KCNQ4: variants seen among roughly 807,000 people sequenced by gnomAD.
The protein encoded by KCNQ4 is potassium voltage-gated channel subfamily Q member 4, also known as potassium voltage-gated channel subfamily KQT member 4.
In KCNQ4, 31 loss-of-function variants were observed where a neutral mutation model predicts 72.6. The observed-to-expected ratio is 0.43, with a 90% CI of 0.32 to 0.58. KCNQ4 has a LOEUF of 0.58. Ranked by LOEUF, KCNQ4 falls within the 20% of genes least tolerant of loss-of-function variation. The pLI is 0.08. For synonymous variants in KCNQ4, 405 were observed against 403.7 expected (o/e 1.00, Z -0.04); for missense variants, 869 against 962.6 (o/e 0.90, Z 1.29).
At position 40,824,266 on chromosome 1, in the gene KCNQ4, C is replaced by T. The variant is rs1238104206; in HGVS notation, c.1292+8C>T. On this transcript the variant is annotated splice_region_variant and intron_variant, in intron 9 of 13. Coordinates refer to ENST00000347132, the MANE Select transcript of KCNQ4 (RefSeq NM_004700.4). ...CTTCTGCCCTGGGGAAAGGTAGGGG[C>T]CCCGTGGGGCTGCCACCTCCTCTTG... The T allele has an allele frequency of 6.2e-7, 1 of 1,604,696 alleles. No homozygotes were observed. The highest frequency in any genetic ancestry group is 8.5e-7 in the Non-Finnish European group (1 of 1,177,070).
rs1648699950 is a variant in KCNQ4, at chr1:40,833,092, A to G, written c.1592A>G (p.Lys531Arg). 1 of 1,612,334 alleles carries G rather than the reference A, an allele frequency of 6.2e-7. No homozygotes were observed. The highest frequency in any genetic ancestry group is 8.5e-7 in the Non-Finnish European group (1 of 1,179,834). Residue 531 changes from lysine (K) to arginine (R), a missense_variant, in exon 11 of 14, where the codon AAG (lysine) becomes AGG (arginine). By Grantham distance (26) the Lys-to-Arg change is conservative (BLOSUM62 2). Around this residue, in one of 5 missense-constraint regions of KCNQ4, gnomAD observed 480 missense variants for 501.9 expected, o/e 0.96. Transcript: ENST00000347132. ...LTVDDIMPAV[K>R]TVIRSIRILK... ...GTGGACGACATCATGCCTGCTGTGA[A>G]GACAGTCATCCGCTCCATCAGGTAA...
At chr1:40,820,487 G>A (rs1046129055) in intron 7 of KCNQ4, among the ~76,000 whole-genome samples, 1 of 152,250 alleles carries the variant, frequency 6.6e-6, no homozygotes, top group African/African-American at 2.4e-5. Context: ...TTTAGGGCTA[G>A]CCAGAACTGC....
At chr1:40,831,026 C>A in intron 9 of KCNQ4, 58 bp from the exon 10 acceptor site, 1 of 1,460,416 alleles carries the variant, frequency 6.8e-7, no homozygotes, top group Non-Finnish European at 9.4e-7. Context: ...TGTCCCCACT[C>A]ACCCCCACCC....
chr1:40,818,223 A>ATGCTGC lies in KCNQ4; in HGVS notation c.469_474dup (p.Cys157_Cys158dup). Reference sequence around the variant, plus strand: ...ACATCGTCCGGGTCTGGTCCGCCGGATGCTGCTGCCGCTACCGAGGATGGC... The same window carrying ATGCTGC: ...ACATCGTCCGGGTCTGGTCCGCCGGATGCTGCTGCTGCTGCCGCTACCGAGGATGGC... On this transcript the variant is annotated inframe_insertion, in exon 3 of 14. Transcript: ENST00000347132. 1 of 1,613,786 alleles carries ATGCTGC rather than the reference A, an allele frequency of 6.2e-7. No individual in the cohort carries two copies. The highest frequency in any genetic ancestry group is 8.5e-7 in the Non-Finnish European group (1 of 1,180,010).
chr1:40,785,136 G>C (rs1051616720), intron 1 of KCNQ4, among the ~76,000 whole-genome samples: 14 of 152,242 alleles, frequency 9.2e-5, no homozygotes, highest in African/African-American at 2.4e-4. Context: ...AGGCACCAGG[G>C]GAAAAAGAAA....
At position 40,825,714 on chromosome 1, in the gene KCNQ4, C is replaced by T. The variant is rs34702131; in HGVS notation, c.1292+1456C>T. Among the ~76,000 whole-genome samples the T allele has an allele frequency of 2.7e-3, 416 of 152,240 alleles. 3 individuals are homozygous for T. Among genetic ancestry groups the T allele is most frequent in the East Asian group, 0.017 (89 of 5,180 alleles). On this transcript the variant is annotated intron_variant, in intron 9 of 13. Coordinates refer to ENST00000347132, the MANE Select transcript of KCNQ4 (RefSeq NM_004700.4). Reference sequence around the variant, plus strand: ...ATCCCTACCAAACATAGTTTCCAGGCGGAAACTCAAGAGTTTTTGTATCCC... The same window carrying T: ...ATCCCTACCAAACATAGTTTCCAGGTGGAAACTCAAGAGTTTTTGTATCCC...
chr1:40,805,984 G>A lies in KCNQ4; in HGVS notation c.315-11281G>A, dbSNP rs538432825. The stretch of plus-strand genomic sequence containing the variant: ...AGCCTCTGGAGTAGCTGGGACTACA[G>A]GCGCCCACCACCACGCCTGGCTAAG... On this transcript the variant is annotated intron_variant, in intron 1 of 13. Transcript: ENST00000347132. 4.6e-5 allele frequency among the ~76,000 whole-genome samples: 7 copies of A among 152,300 alleles called. No homozygotes were observed. In the East Asian group the frequency reaches 1.4e-3, roughly 29 times the overall value.
At chr1:40,793,823 C>T (rs1647336709) in intron 1 of KCNQ4, among the ~76,000 whole-genome samples, 1 of 152,206 alleles carries the variant, frequency 6.6e-6, no homozygotes, top group South Asian at 2.1e-4. Flanking sequence ...CCAGTTTGAG[C>T]ACCACCTCTT....
rs1184446972 is a variant in KCNQ4 at position 40,794,982 on chromosome 1, T to TG, written c.314+10581dup. Among the ~76,000 whole-genome samples the TG allele has an allele frequency of 4.3e-4, 3 of 6,980 alleles. No individual in the cohort carries two copies. The highest frequency in any genetic ancestry group is 1.4e-3 in the Admixed American group (1 of 726). 4.6% of individuals were successfully genotyped at this position (6,980 alleles called of 152,430 possible). A position where few individuals can be genotyped will look rare whatever the true frequency, so the allele number is the denominator to read the frequency against. ...AGATTGGGTTGGGCGGGTGGGGGGGTGGGGGGCAGATCAGCCAGAATCAAG... is the reference window on the plus strand; with the variant it reads ...AGATTGGGTTGGGCGGGTGGGGGGGTGGGGGGGCAGATCAGCCAGAATCAAG... On this transcript the variant is annotated intron_variant, in intron 1 of 13. Transcript: ENST00000347132. The surrounding 1 kb of genome is among the most constrained non-coding windows in gnomAD (Gnocchi z 4.2).
intron 1 of KCNQ4, among the ~76,000 whole-genome samples, chr1:40,814,667 G>A (rs931471361): frequency 1.3e-5 from 2 of 151,962 alleles, no homozygotes; most frequent in South Asian, 4.1e-4. Context: ...TCATGCTACT[G>A]CACTCCAGCC....
In KCNQ4 at chr1:40,784,521, C is replaced by G. The variant is rs1647184779; in HGVS notation, c.314+114C>G. On this transcript the variant is annotated intron_variant, in intron 1 of 13. Transcript: ENST00000347132. The surrounding 1 kb of genome is among the most constrained non-coding windows in gnomAD (Gnocchi z 4.1). ...ACCCCCCTGCCTCAGGGCCGACCCT[C>G]ATCTCTCTCCCCCCAGGCCTAAGCC... The G allele has an allele frequency of 2.0e-6, 2 of 977,384 alleles. No homozygotes were observed. Among genetic ancestry groups the G allele is most frequent in the Admixed American group, 1.9e-5 (1 of 53,184 alleles). The allele number at this position is 977,384 out of a possible 1,614,324, so 60.5% of individuals were successfully genotyped here.
At chr1:40,806,137 G>A (rs1453396753) in intron 1 of KCNQ4, among the ~76,000 whole-genome samples, 2 of 152,158 alleles carry the variant, frequency 1.3e-5, no homozygotes, top group African/African-American at 4.8e-5. Context: ...CACCGCGCCC[G>A]GCCTCACATG....
chr1:40,831,183 C>T lies in KCNQ4; in HGVS notation c.1392C>T (p.Ser464=). 1 of 1,611,234 alleles carries T rather than the reference C, an allele frequency of 6.2e-7. No homozygotes were observed. Among genetic ancestry groups the T allele is most frequent in the Non-Finnish European group, 8.5e-7 (1 of 1,178,854 alleles). ...QHLAPPTMPT[S]PSSEQVGEAT... is the part of the protein sequence containing the mutation. Reference sequence around the variant, plus strand: ...TGGCACCTCCAACAATGCCCACCTCCCCAAGCAGCGAGCAGGTGGGTGAGG... The same window carrying T: ...TGGCACCTCCAACAATGCCCACCTCTCCAAGCAGCGAGCAGGTGGGTGAGG... The change falls in exon 10 of 14, where the codon TCC becomes TCT. Residue 464 remains serine (S), a synonymous_variant. Coordinates refer to ENST00000347132, the MANE Select transcript of KCNQ4 (RefSeq NM_004700.4).
In KCNQ4 at chr1:40,784,299, G is replaced by C; in HGVS notation, c.206G>C (p.Cys69Ser). The stretch of plus-strand genomic sequence containing the variant: ...CCGGGCTCCGGCTCGGGCTCCGCCT[G>C]CGGCCAGCGCTCCTCGGCCGCGCAC... ...PGPGSGSGSACGQRSSAAHKR... is the reference protein window; with the variant it reads ...PGPGSGSGSASGQRSSAAHKR... The change falls in exon 1 of 14, where the codon TGC (cysteine) becomes TCC (serine). Residue 69 changes from cysteine to serine, a missense_variant. Cys to Ser is a moderately radical substitution (Grantham distance 112). This residue lies in a region of KCNQ4 where 178 missense variants were observed against 145.3 expected (regional missense o/e 1.22). Coordinates refer to ENST00000347132, the MANE Select transcript of KCNQ4 (RefSeq NM_004700.4). This position sits in a 1 kb window ranked among gnomAD's most constrained non-coding sequence, Gnocchi z 4.1. The C allele has an allele frequency of 6.3e-7, 1 of 1,591,718 alleles. No homozygotes were observed. Among genetic ancestry groups the C allele is most frequent in the Non-Finnish European group, 8.5e-7 (1 of 1,173,034 alleles).
rs1241744859 is a variant in KCNQ4 at position 40,813,760 on chromosome 1, G to GTTTTTT, written c.315-3500_315-3499insTTTTTT. Among the ~76,000 whole-genome samples, 12 of 151,334 alleles carry GTTTTTT rather than the reference G, an allele frequency of 7.9e-5. 1 individual carries two copies. Among genetic ancestry groups the GTTTTTT allele is most frequent in the Admixed American group, 5.9e-4 (9 of 15,214 alleles). ...TGTTTTTGTTTTTGTTTTTGTTTTT[G>GTTTTTT]TTTTTGAGACGGAGTCTCACTCTGT... On this transcript the variant is annotated intron_variant, in intron 1 of 13. Transcript: ENST00000347132.
chr1:40,820,328 G>A (rs1411048302), intron 7 of KCNQ4, 68 bp downstream of exon 7: 3 of 1,347,148 alleles, frequency 2.2e-6, no homozygotes, highest in Non-Finnish European at 3.1e-6. Context: ...TCAACCCTGT[G>A]TGCTGACCCA....
chr1:40,796,949 AATAC>A (rs1553165924), intron 1 of KCNQ4, among the ~76,000 whole-genome samples: 1 of 140,722 alleles, frequency 7.1e-6, no homozygotes, highest in Non-Finnish European at 1.6e-5. Flanking sequence ...TAAATAAATA[AATAC>A]AGTTCAAGGT....
intron 1 of KCNQ4, among the ~76,000 whole-genome samples, chr1:40,787,327 C>G (rs992153900): frequency 6.6e-6 from 1 of 152,130 alleles, no homozygotes; most frequent in Non-Finnish European, 1.5e-5. Flanking sequence ...TGTGATTGCA[C>G]CACTGCATTC....
chr1:40,817,513 C>T lies in KCNQ4; in HGVS notation c.405+158C>T, dbSNP rs773722153. Among the ~76,000 whole-genome samples the T allele has an allele frequency of 2.6e-5, 4 of 151,392 alleles. No individual in the cohort carries two copies. The highest frequency in any genetic ancestry group is 3.9e-4 in the East Asian group (2 of 5,136). On this transcript the variant is annotated intron_variant, in intron 2 of 13. Coordinates refer to ENST00000347132, the MANE Select transcript of KCNQ4 (RefSeq NM_004700.4). The surrounding 1 kb of genome is among the most constrained non-coding windows in gnomAD (Gnocchi z 5.5). ...AGGTAGCACCTCTGGGCTGGGAGTC[C>T]GGGACTGAGGGGGGCCGTGTGAGGT...
Sources: gnomAD v4.1 joint callset for allele counts (sites outside exome capture counted in the v4.1 genomes callset) on GRCh38, gnomAD v4.1.1 for gene constraint, gnomAD v4.1.1 regional missense constraint, Gnocchi (gnomAD v3.1) non-coding constraint, MANE v1.5 for transcripts, NCBI Gene and HGNC (gene_info 2026-07-23, HGNC 2026-07-21) for gene names.